DGKG: variants seen among roughly 807,000 people sequenced by gnomAD.
DGKG encodes the protein diacylglycerol kinase gamma.
In DGKG, 78 loss-of-function variants were observed where a neutral mutation model predicts 105.3. The ratio of observed to expected loss-of-function variants is 0.74; its 90% confidence interval spans 0.62 to 0.89. DGKG has a LOEUF of 0.89. DGKG is among the 40% of genes least tolerant of loss of function. The probability of loss-of-function intolerance (pLI) is 0.00; values close to 1 mark genes in which losing one functional copy is unlikely to be tolerated. For synonymous variants in DGKG, 346 were observed against 367.1 expected (o/e 0.94, Z 0.66); for missense variants, 958 against 1,020.1 (o/e 0.94, Z 0.83).
intron 21 of DGKG, among the ~76,000 whole-genome samples, chr3:186,200,836 T>C (rs1718422373): frequency 6.6e-6 from 1 of 152,224 alleles, no homozygotes; most frequent in Admixed American, 6.5e-5. Context: ...CACAACCTGC[T>C]TAAGAACATC....
chr3:186,297,069 C>CACACACAA (rs1723615896), intron 5 of DGKG, among the ~76,000 whole-genome samples: 1 of 36,920 alleles, frequency 2.7e-5, no homozygotes, highest in African/African-American at 9.0e-5. Context: ...CTGTCTCTCT[C>CACACACAA]ACACACACAC....
At chr3:186,213,437 TG>T (rs1719133038) in intron 20 of DGKG, among the ~76,000 whole-genome samples, 1 of 152,220 alleles carries the variant, frequency 6.6e-6, no homozygotes, top group South Asian at 2.1e-4. Context: ...GTAAAATAAT[TG>T]GGGGAAACAT....
chr3:186,244,734 A>G (rs751051164), intron 19 of DGKG, among the ~76,000 whole-genome samples: 2 of 152,052 alleles, frequency 1.3e-5, no homozygotes, highest in Non-Finnish European at 2.9e-5. Context: ...AAGATATATT[A>G]AGAGTTTAAG....
At chr3:186,184,611 G>A (rs1265814917) in intron 22 of DGKG, among the ~76,000 whole-genome samples, 1 of 152,048 alleles carries the variant, frequency 6.6e-6, no homozygotes, top group Non-Finnish European at 1.5e-5. Context: ...TTTTGGCCAG[G>A]CTGGTCTCAA....
At chr3:186,256,400 A>G (rs1364299605) in intron 17 of DGKG, among the ~76,000 whole-genome samples, 1 of 152,158 alleles carries the variant, frequency 6.6e-6, no homozygotes, top group Non-Finnish European at 1.5e-5. Flanking sequence ...GTCTGTCAGC[A>G]AATCGTATTG....
At chr3:186,243,975 C>A (rs1720815090) in intron 19 of DGKG, among the ~76,000 whole-genome samples, 1 of 139,710 alleles carries the variant, frequency 7.2e-6, no homozygotes, top group Non-Finnish European at 1.5e-5. Context: ...CGTCTCACTG[C>A]AACCTCTGCC....
In DGKG at chr3:186,284,780, C is replaced by T; in HGVS notation, c.545-71G>A. ...GCGGATGGCTGAAGTTTTGATGCTG[C>T]CAGGTTTTTAGATTAGTTCTGTCAC... On this transcript the variant is annotated intron_variant, in intron 6 of 24. Coordinates refer to ENST00000265022, the MANE Select transcript of DGKG (RefSeq NM_001346.3). The surrounding 1 kb of genome is among the most constrained non-coding windows in gnomAD (Gnocchi z 4.0). 2 of 1,322,800 alleles carry T rather than the reference C, an allele frequency of 1.5e-6. No individual in the cohort carries two copies. The highest frequency in any genetic ancestry group is 1.7e-5 in the Admixed American group (1 of 58,660). The allele number at this position is 1,322,800 out of a possible 1,614,324, so 81.9% of individuals were successfully genotyped here. A position where few individuals can be genotyped will look rare whatever the true frequency, so the allele number is the denominator to read the frequency against.
At chr3:186,194,363 C>T (rs544552164) in intron 21 of DGKG, among the ~76,000 whole-genome samples, 12 of 152,348 alleles carry the variant, frequency 7.9e-5, no homozygotes, top group African/African-American at 2.9e-4. Flanking sequence ...CCCGGAGCAC[C>T]GAAGCTTCCC....
intron 22 of DGKG, 121 bp downstream of exon 22, chr3:186,188,081 A>T: frequency 8.7e-7 from 1 of 1,149,914 alleles, no homozygotes; most frequent in Non-Finnish European, 1.3e-6. Context: ...ACGAGTCAGC[A>T]TATCCGCAGA....
At chr3:186,211,696 T>C in intron 21 of DGKG, 99 bp downstream of exon 21, 1 of 863,988 alleles carries the variant, frequency 1.2e-6, no homozygotes, top group Non-Finnish European at 2.0e-6. Flanking sequence ...ACGCTCTGGG[T>C]CACCTCTTAA....
intron 3 of DGKG, among the ~76,000 whole-genome samples, chr3:186,303,201 A>T (rs1437294819): frequency 6.6e-6 from 1 of 152,204 alleles, no homozygotes; most frequent in Non-Finnish European, 1.5e-5. Flanking sequence ...AAAGTTCTTT[A>T]AAAGCACAGC....
chr3:186,194,802 T>TAAAAAAAAAAAA (rs1560089428), intron 21 of DGKG, among the ~76,000 whole-genome samples: 1 of 26,636 alleles, frequency 3.8e-5, no homozygotes, highest in African/African-American at 1.4e-4. Flanking sequence ...TGGTCTTTCT[T>TAAAAAAAAAAAA]TAAAAAAAAA....
Position 186,305,472 on chromosome 3 carries a change from C to T in DGKG, c.144+1429G>A, listed in dbSNP as rs576862055. On this transcript the variant is annotated intron_variant, in intron 3 of 24. Coordinates refer to ENST00000265022, the MANE Select transcript of DGKG (RefSeq NM_001346.3). Reference sequence around the variant, plus strand: ...AGTAGCAAGAGATGAGGTCAGAGAGCTGGGGGAGGTGCAGCTTGTAATGAC... The same window carrying T: ...AGTAGCAAGAGATGAGGTCAGAGAGTTGGGGGAGGTGCAGCTTGTAATGAC... Among the ~76,000 whole-genome samples, 3 of 152,202 alleles carry T rather than the reference C, an allele frequency of 2.0e-5. No individual in the cohort carries two copies. In the East Asian group the frequency reaches 5.8e-4, roughly 29 times the overall value.
At chr3:186,209,093 C>CTTTTT (rs34226259) in intron 21 of DGKG, among the ~76,000 whole-genome samples, 111 of 89,708 alleles carry the variant, frequency 1.2e-3, no homozygotes, top group Non-Finnish European at 1.6e-3. Flanking sequence ...GTTTACTCTT[C>CTTTTT]TTTTTTTTTT....
At position 186,306,985 on chromosome 3, in the gene DGKG, GAC is replaced by G; in HGVS notation, c.68-10_68-9del. Reference sequence around the variant, plus strand: ...TTATCTTCTTGGAGGAATCTGAAGAGACACAATTCACATGTGAAACACTGGCA... The same window carrying G: ...TTATCTTCTTGGAGGAATCTGAAGAGACAATTCACATGTGAAACACTGGCA... On this transcript the variant is annotated splice_polypyrimidine_tract_variant and intron_variant, in intron 2 of 24. Coordinates refer to ENST00000265022, the MANE Select transcript of DGKG (RefSeq NM_001346.3). 6.3e-7 allele frequency: 1 copy of G among 1,598,732 alleles called. No individual in the cohort carries two copies. Among genetic ancestry groups the G allele is most frequent in the Non-Finnish European group, 8.6e-7 (1 of 1,166,286 alleles).
chr3:186,167,307 G>A (rs941861674), intron 22 of DGKG, among the ~76,000 whole-genome samples: 1 of 152,154 alleles, frequency 6.6e-6, no homozygotes, highest in African/African-American at 2.4e-5. Flanking sequence ...TACCATTGCC[G>A]AACTCATCTT....
chr3:186,353,565 G>GTATA (rs66460527), intron 1 of DGKG, among the ~76,000 whole-genome samples: 2,713 of 116,960 alleles, frequency 0.023, 31 homozygotes, highest in East Asian at 0.045. Flanking sequence ...TTTTATGTAT[G>GTATA]TATATATATA....
chr3:186,166,236 ATCACTAATGGAC>A (rs1716537182), intron 22 of DGKG, among the ~76,000 whole-genome samples: 3 of 10,260 alleles, frequency 2.9e-4, no homozygotes, highest in Non-Finnish European at 4.2e-4. Context: ...ATTACTGACG[ATCACTAATGGAC>A]ATCACTAATG....
At chr3:186,199,152 T>C (rs928177639) in intron 21 of DGKG, among the ~76,000 whole-genome samples, 26 of 152,262 alleles carry the variant, frequency 1.7e-4, no homozygotes, top group African/African-American at 6.3e-4. Flanking sequence ...GGTTTCACCA[T>C]GTTGGCCAGG....
Sources: gnomAD v4.1 joint callset for allele counts (sites outside exome capture counted in the v4.1 genomes callset) on GRCh38, gnomAD v4.1.1 for gene constraint, Gnocchi (gnomAD v3.1) non-coding constraint, MANE v1.5 for transcripts, NCBI Gene and HGNC (gene_info 2026-07-23, HGNC 2026-07-21) for gene names.